Variants in RGL1 observed in about 807,000 individuals in gnomAD.
RGL1 encodes the protein ral guanine nucleotide dissociation stimulator-like 1.
In RGL1, 24 loss-of-function variants were observed where a neutral mutation model predicts 95.2. That is an observed-to-expected ratio of 0.25 (90% CI 0.18 to 0.35). The LOEUF (loss-of-function observed/expected upper bound fraction) is 0.35. RGL1 is among the 10% of genes least tolerant of loss of function. The pLI is 1.00. For missense variants in RGL1, 715 were observed against 936.3 expected (o/e 0.76, Z 3.08); for synonymous variants, 329 against 344.9 (o/e 0.95, Z 0.51).
chr1:183,648,161 T>G, intron 1 of RGL1: 1 of 1,614,180 alleles, frequency 6.2e-7, no homozygotes, highest in Non-Finnish European at 8.5e-7. Context: ...AAACATGTGA[T>G]CCTGAGACAC....
At chr1:183,682,452 T>C (rs1263086982) in intron 1 of RGL1, among the ~76,000 whole-genome samples, 1 of 152,248 alleles carries the variant, frequency 6.6e-6, no homozygotes, top group Non-Finnish European at 1.5e-5. Flanking sequence ...AGCAGATTGT[T>C]CAGTTTCCTT....
At chr1:183,816,706 A>G (rs1475973439) in intron 2 of RGL1, among the ~76,000 whole-genome samples, 1 of 152,158 alleles carries the variant, frequency 6.6e-6, no homozygotes, top group East Asian at 1.9e-4. Flanking sequence ...CTCTCTGCTC[A>G]CTACCTAAAT....
intron 3 of RGL1, among the ~76,000 whole-genome samples, chr1:183,861,747 G>A (rs1339058154): frequency 6.6e-6 from 1 of 152,202 alleles, no homozygotes; most frequent in Non-Finnish European, 1.5e-5. Context: ...ATCCTAGGGA[G>A]GCTTTGCAGA....
chr1:183,780,274 G>A (rs150594765), intron 2 of RGL1, among the ~76,000 whole-genome samples: 1 of 152,126 alleles, frequency 6.6e-6, no homozygotes, highest in South Asian at 2.1e-4. Flanking sequence ...CCTCCTTGTC[G>A]TCAAGGGCAT....
At chr1:183,866,189 T>A in intron 4 of RGL1, 116 bp downstream of exon 4, 1 of 758,468 alleles carries the variant, frequency 1.3e-6, no homozygotes, top group Non-Finnish European at 2.2e-6. Context: ...CCATAGTGCA[T>A]ACAGAGGCTT....
chr1:183,691,869 A>G (rs1474297521), intron 1 of RGL1, among the ~76,000 whole-genome samples: 2 of 152,116 alleles, frequency 1.3e-5, no homozygotes. Context: ...AGCATTAAGA[A>G]AAATGCTCAG....
chr1:183,758,198 A>ATTT (rs56900976), intron 2 of RGL1, among the ~76,000 whole-genome samples: 8 of 144,034 alleles, frequency 5.6e-5, no homozygotes, highest in Non-Finnish European at 6.0e-5. Context: ...AAACGATAGA[A>ATTT]TTTTTTTTTT....
intron 4 of RGL1, among the ~76,000 whole-genome samples, chr1:183,872,848 G>A (rs1440635139): frequency 2.6e-5 from 4 of 152,170 alleles, no homozygotes; most frequent in African/African-American, 9.7e-5. Flanking sequence ...GGGAAAAGGA[G>A]GAGGGGTGAA....
At chr1:183,778,219 A>G (rs926666050) in intron 2 of RGL1, among the ~76,000 whole-genome samples, 1 of 152,258 alleles carries the variant, frequency 6.6e-6, no homozygotes, top group Non-Finnish European at 1.5e-5. Context: ...GTTAACCGCC[A>G]TAAGGCACAG....
intron 2 of RGL1, among the ~76,000 whole-genome samples, chr1:183,843,672 C>T (rs1055369624): frequency 2.0e-5 from 3 of 152,242 alleles, no homozygotes; most frequent in South Asian, 2.1e-4. Context: ...AAATAAGAAT[C>T]GTCAAATTTC....
chr1:183,777,647 G>A (rs1176885749), intron 2 of RGL1, among the ~76,000 whole-genome samples: 1 of 152,228 alleles, frequency 6.6e-6, no homozygotes, highest in African/African-American at 2.4e-5. Flanking sequence ...ATCTGAGATT[G>A]TGATTTGCCC....
exon 1 of RGL1, chr1:183,636,142 C>T (rs1298259970): frequency 2.5e-6 from 1 of 399,520 alleles, no homozygotes; most frequent in Non-Finnish European, 4.4e-6. Flanking sequence ...CGGCAGGTGG[C>T]CTTGGCTTTT....
intron 2 of RGL1, among the ~76,000 whole-genome samples, chr1:183,752,676 C>CTCTCTT (rs1235695734): frequency 7.2e-6 from 1 of 138,688 alleles, no homozygotes; most frequent in Non-Finnish European, 1.5e-5. Flanking sequence ...TTCTCTCTTT[C>CTCTCTT]TCTCTCTCTC....
At chr1:183,790,599 T>A (rs901688503) in intron 2 of RGL1, among the ~76,000 whole-genome samples, 4 of 152,036 alleles carry the variant, frequency 2.6e-5, no homozygotes, top group Non-Finnish European at 4.4e-5. Flanking sequence ...TCAAACAGGG[T>A]GGTATGGTTT....
Position 183,752,935 on chromosome 1 carries a change from C to T in RGL1, c.132+10646C>T, listed in dbSNP as rs192264938. The stretch of plus-strand genomic sequence containing the variant: ...AGATCATCTCTACATTTTTTGCTGT[C>T]CTGAAGTTTCATTCTTCTGTTTTTC... On this transcript the variant is annotated intron_variant, in intron 2 of 18. Coordinates refer to the RGL1 transcript ENST00000304685. Among the ~76,000 whole-genome samples, 41 of 152,054 alleles carry T rather than the reference C, an allele frequency of 2.7e-4. 1 individual carries two copies. The highest frequency in any genetic ancestry group is 9.6e-4 in the African/African-American group (40 of 41,518).
intron 4 of RGL1, among the ~76,000 whole-genome samples, chr1:183,866,486 C>T (rs1036832695): frequency 2.0e-5 from 3 of 152,076 alleles, no homozygotes; most frequent in African/African-American, 7.2e-5. Context: ...TGGAGCACGC[C>T]GAAATGAGGT....
At chr1:183,879,452 G>T (rs575002655) in intron 4 of RGL1, among the ~76,000 whole-genome samples, 48 of 152,328 alleles carry the variant, frequency 3.2e-4, no homozygotes, top group Non-Finnish European at 6.0e-4. Context: ...CAATTTCTTT[G>T]AAGTATAATT....
chr1:183,645,571 G>A (rs1327615438), intron 1 of RGL1, among the ~76,000 whole-genome samples: 1 of 152,228 alleles, frequency 6.6e-6, no homozygotes, highest in South Asian at 2.1e-4. Context: ...GCTGAAGAGG[G>A]GTGGAGCAAC....
intron 17 of RGL1, among the ~76,000 whole-genome samples, chr1:183,923,125 C>T (rs1206314792): frequency 6.6e-6 from 1 of 152,096 alleles, no homozygotes; most frequent in African/African-American, 2.4e-5. Flanking sequence ...TATTGTTGAC[C>T]GAAGCCAACC....
Sources: allele counts gnomAD v4.1 joint callset (sites outside exome capture counted in the v4.1 genomes callset), GRCh38; gene constraint gnomAD v4.1.1; transcripts MANE v1.5; gene names NCBI Gene and HGNC (gene_info 2026-07-23, HGNC 2026-07-21).